Variants in ZNF404 observed in about 807,000 individuals in gnomAD.
The protein encoded by ZNF404 is zinc finger protein 404.
A neutral mutation model predicts 7.3 loss-of-function variants in ZNF404; 7 were observed. That is an observed-to-expected ratio of 0.95 (90% CI 0.54 to 1.79). The LOEUF (loss-of-function observed/expected upper bound fraction) is 1.79, where lower values mean the gene tolerates loss of function less well. ZNF404 is among the 40% of genes most tolerant of loss of function. ZNF404 has a pLI of 0.00. For missense variants in ZNF404, 560 were observed against 661.5 expected, an observed-to-expected ratio of 0.85 and a Z score of 1.68; for synonymous variants, 191 against 209.9, an observed-to-expected ratio of 0.91 and a Z score of 0.78.
intron 2 of ZNF404, among the ~76,000 whole-genome samples, chr19:43,877,299 A>G (rs1971856143): frequency 6.6e-6 from 1 of 152,158 alleles, no homozygotes; most frequent in Non-Finnish European, 1.5e-5. Context: ...TAGAAAAAAA[A>G]TTTAAAATAT....
intron 1 of ZNF404, among the ~76,000 whole-genome samples, 165 bp downstream of exon 1, chr19:43,883,791 G>A (rs564518286): frequency 1.3e-5 from 2 of 152,216 alleles, no homozygotes; most frequent in African/African-American, 4.8e-5. Context: ...CAAAAAAGGA[G>A]GGCAAATGAG....
intron 2 of ZNF404, among the ~76,000 whole-genome samples, chr19:43,874,423 A>G (rs1971837458): frequency 6.7e-6 from 1 of 150,022 alleles, no homozygotes; most frequent in African/African-American, 2.5e-5. Flanking sequence ...TGTCCTGAAT[A>G]TCTCTATTCC....
intron 2 of ZNF404, among the ~76,000 whole-genome samples, chr19:43,875,569 T>A (rs1971845916): frequency 6.6e-6 from 1 of 152,036 alleles, no homozygotes; most frequent in Admixed American, 6.6e-5. Context: ...GGGGCAAGAG[T>A]CTAGGAAACT....
chr19:43,880,097 G>C lies in ZNF404; in HGVS notation c.49C>G (p.Gln17Glu), dbSNP rs753298652. The C allele has an allele frequency of 1.9e-6, 3 of 1,613,234 alleles. No individual in the cohort carries two copies. Among genetic ancestry groups the C allele is most frequent in the Non-Finnish European group, 2.5e-6 (3 of 1,179,484 alleles). Residue 17 changes from glutamine (Q) to glutamate (E), a missense_variant, in exon 2 of 3, where the codon CAG (glutamine) becomes GAG (glutamate). Gln to Glu is a conservative substitution (Grantham distance 29, BLOSUM62 2). Coordinates refer to ENST00000587539, the MANE Select transcript of ZNF404 (RefSeq NM_001033719.3). ...TFSDVAIDFS[Q>E]EEWEYLNSDQ... Reference sequence around the variant, plus strand: ...GAGTTTAAATATTCCCACTCCTCCTGAGAGAAGTCTATGGCAACATCGCTG... The same window carrying C: ...GAGTTTAAATATTCCCACTCCTCCTCAGAGAAGTCTATGGCAACATCGCTG...
At chr19:43,879,650 G>T (rs922320122) in intron 2 of ZNF404, among the ~76,000 whole-genome samples, 18 of 152,158 alleles carry the variant, frequency 1.2e-4, no homozygotes, top group Non-Finnish European at 2.1e-4. Flanking sequence ...AGGAAGATTA[G>T]CAATTAAAGT....
intron 2 of ZNF404, among the ~76,000 whole-genome samples, chr19:43,877,757 C>T (rs1253920582): frequency 3.0e-5 from 4 of 132,290 alleles, no homozygotes; most frequent in Non-Finnish European, 4.8e-5. Context: ...CAACAGTCCC[C>T]AGAGTGTGAT....
Position 43,872,934 on chromosome 19 carries a change from T to TTAA in ZNF404, c.1277_1279dup (p.Leu426_Lys427insIle). The TTAA allele has an allele frequency of 1.2e-6, 2 of 1,607,750 alleles. No homozygotes were observed. Among genetic ancestry groups the TTAA allele is most frequent in the Middle Eastern group, 1.7e-4 (1 of 6,036 alleles). Reference sequence around the variant, plus strand: ...CCCAGCATGAATTGATTGATGTGTCTTAAGGTCTCCAACACGACTGAAGGC... The same window carrying TTAA: ...CCCAGCATGAATTGATTGATGTGTCTTAATAAGGTCTCCAACACGACTGAAGGC... On this transcript the variant is annotated inframe_insertion, in exon 3 of 3. Coordinates refer to ENST00000587539, the MANE Select transcript of ZNF404 (RefSeq NM_001033719.3). The surrounding 1 kb of genome is among the most constrained non-coding windows in gnomAD (Gnocchi z 4.4).
chr19:43,878,497 A>G (rs894400772), intron 2 of ZNF404, among the ~76,000 whole-genome samples: 25 of 151,628 alleles, frequency 1.6e-4, no homozygotes, highest in Non-Finnish European at 2.9e-4. Context: ...TTGTCAGATG[A>G]GTAGGTTGCG....
chr19:43,875,293 AT>A (rs199666369), intron 2 of ZNF404, among the ~76,000 whole-genome samples: 3,742 of 150,820 alleles, frequency 0.025, 106 homozygotes, highest in African/African-American at 0.063. Context: ...GTTTTAAATA[AT>A]TTTTTTTTTA....
rs780981430 is a variant in ZNF404 at position 43,873,441 on chromosome 19, A to G, written c.773T>C (p.Met258Thr). ...CGETFRLYRH[M>T]CLHQKIHHGV... ...ATGATGAATTTTCTGATGCAGACAC[A>G]TATGTCGATATAATCTAAACGTTTC... is the stretch of plus-strand genomic sequence containing the variant. Residue 258 changes from methionine (M) to threonine (T), a missense_variant, in exon 3 of 3, where the codon ATG (methionine) becomes ACG (threonine). Physicochemically the swap from Met to Thr is moderately conservative, Grantham distance 81 (BLOSUM62 -1). Transcript: ENST00000587539. 16 of 1,613,486 alleles carry G rather than the reference A, an allele frequency of 9.9e-6. No individual in the cohort carries two copies. The East Asian group carries it at 2.9e-4, about 29-fold the overall frequency.
At chr19:43,880,435 C>T (rs909710312) in intron 1 of ZNF404, among the ~76,000 whole-genome samples, 3 of 152,024 alleles carry the variant, frequency 2.0e-5, no homozygotes, top group African/African-American at 7.2e-5. Flanking sequence ...AGCACAATAC[C>T]TTCTACGTAC....
At chr19:43,879,340 G>A (rs1016353105) in intron 2 of ZNF404, among the ~76,000 whole-genome samples, 2 of 152,180 alleles carry the variant, frequency 1.3e-5, no homozygotes, top group Non-Finnish European at 2.9e-5. Context: ...ATGAAAAATA[G>A]AGGGGAAAGA....
chr19:43,875,384 A>G (rs1024750028), intron 2 of ZNF404, among the ~76,000 whole-genome samples: 9 of 152,256 alleles, frequency 5.9e-5, no homozygotes, highest in South Asian at 2.1e-4. Flanking sequence ...TGTTTCTTCA[A>G]TGCCTTTCCC....
intron 2 of ZNF404, among the ~76,000 whole-genome samples, chr19:43,878,742 T>C (rs1472167268): frequency 6.6e-6 from 1 of 152,128 alleles, no homozygotes; most frequent in Admixed American, 6.6e-5. Flanking sequence ...CAACTACTTT[T>C]CCCCTGAAAA....
chr19:43,883,055 AACGCCACTGT>A lies in ZNF404; in HGVS notation c.9+891_9+900del, dbSNP rs986987530. 1.1e-3 allele frequency among the ~76,000 whole-genome samples: 160 copies of A among 152,054 alleles called. 1 individual carries two copies. Among genetic ancestry groups the A allele is most frequent in the African/African-American group, 3.5e-3 (145 of 41,500 alleles). On this transcript the variant is annotated intron_variant, in intron 1 of 2. Transcript: ENST00000587539. ...AGCAGAGGTTGCAGTGAGCCAAGAT[AACGCCACTGT>A]ACTCTATCCTGGGTGACAGAGTGAG...
In ZNF404 at chr19:43,873,245, A is replaced by C. The variant is rs1231931678; in HGVS notation, c.969T>G (p.Gly323=). ...LLVEHQRSHT[G]EKPHECMECG... is the part of the protein sequence containing the mutation. ...ATTCCATGCATTCATGAGGTTTCTC[A>C]CCAGTATGACTTCTTTGATGTTCAA... Residue 323 remains glycine (G), a synonymous_variant, in exon 3 of 3, where the codon GGT becomes GGG. Coordinates refer to ENST00000587539, the MANE Select transcript of ZNF404 (RefSeq NM_001033719.3). The C allele has an allele frequency of 6.2e-7, 1 of 1,613,554 alleles. No individual in the cohort carries two copies. Among genetic ancestry groups the C allele is most frequent in the African/African-American group, 1.3e-5 (1 of 74,900 alleles).
At chr19:43,883,807 C>T in intron 1 of ZNF404, 149 bp downstream of exon 1, 1 of 736,242 alleles carries the variant, frequency 1.4e-6, no homozygotes, top group South Asian at 1.8e-5. Flanking sequence ...ATGAGGAGGA[C>T]ATCATCCATC....
Position 43,873,531 on chromosome 19 carries a change from G to C in ZNF404, c.683C>G (p.Ser228Cys). 3 of 1,613,466 alleles carry C rather than the reference G, an allele frequency of 1.9e-6. No homozygotes were observed. Among genetic ancestry groups the C allele is most frequent in the South Asian group, 2.2e-5 (2 of 91,054 alleles). ...KQCGKAFRRH[S>C]HLTEHQKIHV... is the part of the protein sequence containing the mutation. ...AATTTTCTGATGTTCTGTAAGGTGA[G>C]AATGACGTCTAAAAGCCTTCCCGCA... Residue 228 changes from serine (S) to cysteine (C), a missense_variant, in exon 3 of 3, where the codon TCT (serine) becomes TGT (cysteine). Physicochemically the swap from Ser to Cys is moderately radical, Grantham distance 112. Coordinates refer to ENST00000587539, the MANE Select transcript of ZNF404 (RefSeq NM_001033719.3).
At chr19:43,877,401 G>T (rs1395654287) in intron 2 of ZNF404, among the ~76,000 whole-genome samples, 1 of 152,082 alleles carries the variant, frequency 6.6e-6, no homozygotes, top group African/African-American at 2.4e-5. Flanking sequence ...GTGAACTAGG[G>T]TGCCTTGGAG....
Sources: gnomAD v4.1 joint callset for allele counts (sites outside exome capture counted in the v4.1 genomes callset) on GRCh38, gnomAD v4.1.1 for gene constraint, Gnocchi (gnomAD v3.1) non-coding constraint, MANE v1.5 for transcripts, NCBI Gene and HGNC (gene_info 2026-07-23, HGNC 2026-07-21) for gene names.